TECR: variants seen among roughly 807,000 people sequenced by gnomAD.
TECR encodes trans-2,3-enoyl-CoA reductase, also known as very-long-chain enoyl-CoA reductase.
A neutral mutation model predicts 50.6 loss-of-function variants in TECR; 19 were observed. The observed-to-expected ratio is 0.38, with a 90% CI of 0.26 to 0.55. The LOEUF (loss-of-function observed/expected upper bound fraction) is 0.55, where lower values mean the gene tolerates loss of function less well. TECR is among the 20% of genes least tolerant of loss of function. TECR has a pLI of 0.79. For missense variants in TECR, 313 were observed against 408.3 expected (o/e 0.77, Z 2.01); for synonymous variants, 168 against 163.5 (o/e 1.03, Z -0.21).
At chr19:14,545,076 A>C (rs1191643494) in intron 1 of TECR, 1 of 456,708 alleles carries the variant, frequency 2.2e-6, no homozygotes, top group Non-Finnish European at 4.4e-6. Context: ...ACTGTCTCTG[A>C]AGCCACATTT....
At position 14,551,979 on chromosome 19, in the gene TECR, CT is replaced by C. The variant is rs754053975; in HGVS notation, c.16-10533del. ...TCTCTCTCTCTCTCTCTCTTTCTCT[CT>C]TTTTTTTTTTTTGAGATGGAGTCTC... On this transcript the variant is annotated intron_variant, in intron 1 of 12. Coordinates refer to ENST00000215567, the MANE Select transcript of TECR (RefSeq NM_138501.6). Among the ~76,000 whole-genome samples, 332 of 89,680 alleles carry C rather than the reference CT, an allele frequency of 3.7e-3. 3 individuals carry two copies. The highest frequency in any genetic ancestry group is 0.011 in the African/African-American group (260 of 23,314). The allele number at this position is 89,680 out of a possible 152,430, so 58.8% of individuals were successfully genotyped here. A position where few individuals can be genotyped will look rare whatever the true frequency, so the allele number is the denominator to read the frequency against.
intron 1 of TECR, 79 bp downstream of exon 1, chr19:14,529,790 C>A: frequency 6.3e-7 from 1 of 1,595,770 alleles, no homozygotes; most frequent in Non-Finnish European, 8.6e-7. Flanking sequence ...CGGGACCCCA[C>A]TTTCTGGTCC....
At chr19:14,542,358 T>G (rs916456508) in intron 1 of TECR, among the ~76,000 whole-genome samples, 3 of 123,544 alleles carry the variant, frequency 2.4e-5, no homozygotes, top group Non-Finnish European at 5.1e-5. Flanking sequence ...TTTTTTTTTT[T>G]TTTTTTTTTT....
At chr19:14,565,034 G>GCGGC in intron 9 of TECR, 32 bp from the exon 10 acceptor site, 1 of 1,613,880 alleles carries the variant, frequency 6.2e-7, no homozygotes, top group Non-Finnish European at 8.5e-7. Flanking sequence ...GGGAGTCTGG[G>GCGGC]CGGCCCTAGG....
intron 1 of TECR, among the ~76,000 whole-genome samples, chr19:14,535,127 C>A (rs1034804951): frequency 2.6e-5 from 4 of 152,012 alleles, no homozygotes; most frequent in Admixed American, 2.6e-4. Flanking sequence ...AATCCCAGCA[C>A]GTTGGGAGGC....
intron 1 of TECR, chr19:14,562,228 GC>G (rs1299657552): frequency 1.7e-6 from 1 of 602,220 alleles, no homozygotes; most frequent in African/African-American, 1.9e-5. Context: ...AGTCGGCAGT[GC>G]CAGGGCCGGC....
intron 1 of TECR, chr19:14,545,139 A>G (rs1380254068): frequency 2.2e-6 from 1 of 456,744 alleles, no homozygotes; most frequent in Admixed American, 2.3e-5. Context: ...TCAAGAAACC[A>G]AAGCAGCCTG....
At chr19:14,560,761 C>A (rs531342967) in intron 1 of TECR, among the ~76,000 whole-genome samples, 9 of 152,136 alleles carry the variant, frequency 5.9e-5, no homozygotes, top group Non-Finnish European at 8.8e-5. Context: ...GAAGTGGGGG[C>A]GAGTGTGTCA....
intron 1 of TECR, among the ~76,000 whole-genome samples, chr19:14,555,438 C>CTTTTT (rs747503834): frequency 1.1e-5 from 1 of 92,904 alleles, no homozygotes; most frequent in Non-Finnish European, 2.1e-5. Context: ...TTTATTTATT[C>CTTTTT]TTTTTTTTTT....
At chr19:14,538,938 C>T (rs1158007225) in intron 1 of TECR, among the ~76,000 whole-genome samples, 1 of 151,384 alleles carries the variant, frequency 6.6e-6, no homozygotes, top group East Asian at 1.9e-4. Flanking sequence ...ATGCCAGTGC[C>T]TCAGTTTTGA....
Position 14,543,407 on chromosome 19 carries a change from ATATATATATATATTTTTTTTTTTTT to A in TECR, c.15+13698_15+13722del, listed in dbSNP as rs1271311816. ...TCAGAGAATATATATATATATATAT[ATATATATATATATTTTTTTTTTTTT>A]TTTTTTTTTTTTTTTTTTTTTTTTG... On this transcript the variant is annotated intron_variant, in intron 1 of 12. Coordinates refer to ENST00000215567, the MANE Select transcript of TECR (RefSeq NM_138501.6). 4.8e-3 allele frequency among the ~76,000 whole-genome samples: 56 copies of A among 11,722 alleles called. 1 individual carries two copies. In the South Asian group the frequency reaches 0.077, roughly 16 times the overall value. The allele number at this position is 11,722 out of a possible 152,430, so 7.7% of individuals were successfully genotyped here.
At chr19:14,544,926 C>G (rs1232930336) in intron 1 of TECR, among the ~76,000 whole-genome samples, 1 of 152,126 alleles carries the variant, frequency 6.6e-6, no homozygotes, top group Non-Finnish European at 1.5e-5. Context: ...AGCCACCATG[C>G]CCAGCACGTG....
chr19:14,550,257 T>C lies in TECR; in HGVS notation c.16-12268T>C, dbSNP rs375575278. Among the ~76,000 whole-genome samples, 75 of 152,238 alleles carry C rather than the reference T, an allele frequency of 4.9e-4. 5 individuals carry two copies. In the South Asian group the frequency reaches 0.016, roughly 32 times the overall value. ...TAAAGGAGATGATTCGTGTTGAGGA[T>C]GAGCCTCCGTGCCTGGCTGGTTGTG... On this transcript the variant is annotated intron_variant, in intron 1 of 12. Coordinates refer to ENST00000215567, the MANE Select transcript of TECR (RefSeq NM_138501.6).
chr19:14,564,168 C>T lies in TECR; in HGVS notation c.384-14C>T, dbSNP rs1377574727. On this transcript the variant is annotated splice_polypyrimidine_tract_variant and intron_variant, in intron 6 of 12. Transcript: ENST00000215567. ...GCCGGACCAGCCCCAGCTGAGCCTG[C>T]TCCCCCCGACCAGCCTCGCCTGCAT... 6.2e-7 allele frequency: 1 copy of T among 1,605,970 alleles called. No homozygotes were observed. The highest frequency in any genetic ancestry group is 8.5e-7 in the Non-Finnish European group (1 of 1,179,324).
upstream of TECR, among the ~76,000 whole-genome samples, chr19:14,528,932 A>C (rs1325436766): frequency 1.3e-5 from 2 of 152,126 alleles, no homozygotes; most frequent in Non-Finnish European, 2.9e-5. Flanking sequence ...ACAGAACGAG[A>C]TTGTTTCAAA....
chr19:14,545,662 C>T (rs886480672), intron 1 of TECR: 14 of 186,198 alleles, frequency 7.5e-5, no homozygotes, highest in Non-Finnish European at 1.1e-4. Context: ...GGGCACAGTC[C>T]GTGTTGGTTG....
chr19:14,537,621 CCTT>C (rs1276648623), intron 1 of TECR, among the ~76,000 whole-genome samples: 3 of 152,166 alleles, frequency 2.0e-5, no homozygotes, highest in Admixed American at 2.0e-4. Flanking sequence ...GGTCTTAACA[CCTT>C]CTTGCTGATA....
At position 14,563,679 on chromosome 19, in the gene TECR, G is replaced by A. The variant is rs1462315926; in HGVS notation, c.140G>A (p.Arg47His). 2.5e-6 allele frequency: 4 copies of A among 1,612,430 alleles called. No homozygotes were observed. Among genetic ancestry groups the A allele is most frequent in the East Asian group, 4.5e-5 (2 of 44,878 alleles). Residue 47 changes from arginine to histidine, a missense_variant, in exon 4 of 13, where the codon CGC becomes CAC. Physicochemically the swap from Arg to His is conservative, Grantham distance 29 (BLOSUM62 0). Coordinates refer to ENST00000215567, the MANE Select transcript of TECR (RefSeq NM_138501.6). The surrounding 1 kb of genome is among the most constrained non-coding windows in gnomAD (Gnocchi z 5.3). ...GCAGATCCGCAGTGGTACCCCGCCC[G>A]CCAGTCCCTCCGCCTGGACCCCAGT... ...TKTHPQWYPARQSLRLDPKGK... is the reference protein window; with the variant it reads ...TKTHPQWYPAHQSLRLDPKGK...
intron 1 of TECR, among the ~76,000 whole-genome samples, chr19:14,549,908 G>T (rs969057708): frequency 6.6e-6 from 1 of 151,004 alleles, no homozygotes; most frequent in South Asian, 2.1e-4. Flanking sequence ...GTGCCACTGC[G>T]CTCCAGCCTG....
Sources: allele counts gnomAD v4.1 joint callset (sites outside exome capture counted in the v4.1 genomes callset), GRCh38; gene constraint gnomAD v4.1.1; non-coding constraint Gnocchi (gnomAD v3.1); transcripts MANE v1.5; gene names NCBI Gene and HGNC (gene_info 2026-07-23, HGNC 2026-07-21).